Variants in PRORP observed in about 807,000 individuals in gnomAD.
The protein encoded by PRORP is mitochondrial ribonuclease P catalytic subunit.
A neutral mutation model predicts 59.4 loss-of-function variants in PRORP; 51 were observed. The ratio of observed to expected loss-of-function variants is 0.86; its 90% CI spans 0.69 to 1.08. The LOEUF (loss-of-function observed/expected upper bound fraction) is 1.08. Ranked by LOEUF, PRORP falls within the 50% of genes least tolerant of loss-of-function variation. The probability of loss-of-function intolerance (pLI) is 0.00; values close to 1 mark genes in which losing one functional copy is unlikely to be tolerated. For missense variants in PRORP, 646 were observed against 690.3 expected (o/e 0.94, Z 0.72); for synonymous variants, 231 against 245.6 (o/e 0.94, Z 0.55).
rs533425671 is a variant in PRORP, at chr14:35,131,006, C to T, written c.1167+3395C>T. 2.4e-4 allele frequency among the ~76,000 whole-genome samples: 37 copies of T among 151,732 alleles called. No individual in the cohort carries two copies. In the South Asian group the frequency reaches 6.9e-3, roughly 28 times the overall value. On this transcript the variant is annotated intron_variant, in intron 4 of 7. Coordinates refer to ENST00000534898, the MANE Select transcript of PRORP (RefSeq NM_014672.4). ...TCGCCCAGGCTGGAGTGCAATGGCG[C>T]GATCTCAGCTTACTGCAACCTCCGC... is the stretch of plus-strand genomic sequence containing the variant.
intron 5 of PRORP, among the ~76,000 whole-genome samples, chr14:35,217,500 CAAAAA>C (rs1226022740): frequency 1.4e-5 from 1 of 73,836 alleles, no homozygotes. Flanking sequence ...GACTCTGTCT[CAAAAA>C]AAAAAAAAAA....
intron 5 of PRORP, among the ~76,000 whole-genome samples, chr14:35,191,457 T>G (rs1048621332): frequency 1.3e-5 from 2 of 152,118 alleles, no homozygotes; most frequent in Non-Finnish European, 2.9e-5. Context: ...ATCCCAGCAC[T>G]TCAGGAGGCT....
intron 5 of PRORP, among the ~76,000 whole-genome samples, chr14:35,225,872 C>A (rs937784758): frequency 1.3e-5 from 2 of 151,988 alleles, no homozygotes; most frequent in Non-Finnish European, 2.9e-5. Context: ...CATAACGAAA[C>A]CCCATCTTTA....
chr14:35,152,696 G>C (rs2047798104), intron 4 of PRORP, among the ~76,000 whole-genome samples: 1 of 148,928 alleles, frequency 6.7e-6, no homozygotes, highest in Middle Eastern at 3.7e-3. Context: ...CGGGCGGAGG[G>C]GCTCCTCACT....
At chr14:35,196,087 G>T (rs1313563017) in intron 5 of PRORP, among the ~76,000 whole-genome samples, 2 of 152,158 alleles carry the variant, frequency 1.3e-5, no homozygotes, top group Non-Finnish European at 2.9e-5. Context: ...TGTTAATGTG[G>T]ATTCTTGGAA....
chr14:35,266,785 G>A lies in PRORP; in HGVS notation c.1334G>A (p.Arg445Gln), dbSNP rs777185638. ...AATCTGCGACTGCTGGTCCTAGGCC[G>A]GAAGCACATGCTAAGACGGAGTTCC... ...KRNLRLLVLG[R>Q]KHMLRRSSQW... The change falls in exon 6 of 8, where the codon CGG (arginine) becomes CAG (glutamine). Residue 445 changes from arginine to glutamine, a missense_variant. Arg to Gln is a conservative substitution (Grantham distance 43). Coordinates refer to ENST00000534898, the MANE Select transcript of PRORP (RefSeq NM_014672.4). 52 of 1,614,002 alleles carry A rather than the reference G, an allele frequency of 3.2e-5. No individual in the cohort carries two copies. The highest frequency in any genetic ancestry group is 5.3e-5 in the African/African-American group (4 of 74,906).
intron 4 of PRORP, chr14:35,158,344 A>G (rs1425741146): frequency 6.8e-6 from 2 of 295,266 alleles, no homozygotes; most frequent in African/African-American, 2.2e-5. Flanking sequence ...TGTAAAAACA[A>G]TGTTCACCAT....
chr14:35,175,312 C>T (rs766278690), intron 4 of PRORP, among the ~76,000 whole-genome samples: 9,361 of 152,138 alleles, frequency 0.062, 378 homozygotes, highest in Middle Eastern at 0.11. Context: ...CCTGAGGAAT[C>T]GCCACACTGT....
At chr14:35,134,844 C>G (rs921436513) in intron 4 of PRORP, among the ~76,000 whole-genome samples, 1 of 152,192 alleles carries the variant, frequency 6.6e-6, no homozygotes, top group African/African-American at 2.4e-5. Context: ...CAGTTCACCA[C>G]TAGGACTCAC....
intron 5 of PRORP, among the ~76,000 whole-genome samples, chr14:35,190,492 A>G (rs1036795472): frequency 1.3e-5 from 2 of 151,432 alleles, no homozygotes; most frequent in African/African-American, 4.8e-5. Flanking sequence ...GACTAAATTT[A>G]TTTTATTATT....
chr14:35,152,409 C>T (rs2047781904), intron 4 of PRORP, among the ~76,000 whole-genome samples: 1 of 152,242 alleles, frequency 6.6e-6, no homozygotes, highest in Admixed American at 6.5e-5. Context: ...ACAAAACCGC[C>T]ATCATCATCA....
chr14:35,209,884 G>A (rs966271752), intron 5 of PRORP, among the ~76,000 whole-genome samples: 9 of 152,074 alleles, frequency 5.9e-5, no homozygotes, highest in African/African-American at 2.2e-4. Flanking sequence ...ATTCCCTCTA[G>A]CAATGTTGGG....
At chr14:35,195,148 G>A (rs145814742) in intron 5 of PRORP, among the ~76,000 whole-genome samples, 6 of 152,198 alleles carry the variant, frequency 3.9e-5, no homozygotes, top group East Asian at 1.9e-4. Context: ...TATGCCATAC[G>A]TGGGAATGTA....
intron 5 of PRORP, among the ~76,000 whole-genome samples, chr14:35,240,436 AGACAGCAAATAATTTCAGG>A (rs1472857914): frequency 5.3e-5 from 8 of 151,596 alleles, no homozygotes; most frequent in African/African-American, 1.9e-4. Context: ...TTGTGTTTTG[AGACAGCAAATAATTTCAGG>A]GACAGCTGTG....
chr14:35,239,481 T>C (rs548396077), intron 5 of PRORP, among the ~76,000 whole-genome samples: 100 of 152,320 alleles, frequency 6.6e-4, no homozygotes, highest in East Asian at 2.7e-3. Context: ...CTCCTCAGCA[T>C]TTGAATACCA....
At position 35,174,328 on chromosome 14, in the gene PRORP, T is replaced by C. The variant is rs184462110; in HGVS notation, c.1168-6342T>C. Among the ~76,000 whole-genome samples, 7 of 152,274 alleles carry C rather than the reference T, an allele frequency of 4.6e-5. No homozygotes were observed. In the East Asian group the frequency reaches 9.6e-4, roughly 21 times the overall value. On this transcript the variant is annotated intron_variant, in intron 4 of 7. Transcript: ENST00000534898. ...TTTATATTATTATCTAGTAGTCCAG[T>C]ACAAACTATTCCATCATTACCAGAG...
At chr14:35,266,352 C>T (rs1026091264) in intron 5 of PRORP, among the ~76,000 whole-genome samples, 6 of 151,232 alleles carry the variant, frequency 4.0e-5, no homozygotes, top group Non-Finnish European at 8.8e-5. Flanking sequence ...AGACGTGGTG[C>T]ACGTCTGTGG....
In PRORP at chr14:35,179,842, G is replaced by A. The variant is rs978943542; in HGVS notation, c.1168-828G>A. On this transcript the variant is annotated intron_variant, in intron 4 of 7. Coordinates refer to ENST00000534898, the MANE Select transcript of PRORP (RefSeq NM_014672.4). ...TTAGAATTTTCAGCTTCTCTGCTCTGTTTTTTCCCCATCTTTATGGTTTTA... is the reference window on the plus strand; with the variant it reads ...TTAGAATTTTCAGCTTCTCTGCTCTATTTTTTCCCCATCTTTATGGTTTTA... 1.1e-3 allele frequency among the ~76,000 whole-genome samples: 175 copies of A among 152,262 alleles called. 1 individual carries two copies. Among genetic ancestry groups the A allele is most frequent in the African/African-American group, 4.0e-3 (165 of 41,548 alleles).
In PRORP at chr14:35,163,571, G is replaced by C. The variant is rs183279908; in HGVS notation, c.1168-17099G>C. Among the ~76,000 whole-genome samples, 267 of 152,210 alleles carry C rather than the reference G, an allele frequency of 1.8e-3. 1 individual carries two copies. The highest frequency in any genetic ancestry group is 6.2e-3 in the African/African-American group (256 of 41,536). On this transcript the variant is annotated intron_variant, in intron 4 of 7. Transcript: ENST00000534898. ...TAGCCACTTGTATGCCTTCTTTTGA[G>C]AAGTGTCTGTTCATGTCTTTTGCCT...
Sources: allele counts gnomAD v4.1 joint callset (sites outside exome capture counted in the v4.1 genomes callset), GRCh38; gene constraint gnomAD v4.1.1; transcripts MANE v1.5; gene names NCBI Gene and HGNC (gene_info 2026-07-23, HGNC 2026-07-21).